The following KCNMA1 variants were observed in gnomAD, a reference collection of about 807,000 sequenced individuals.
KCNMA1 encodes the protein Calcium-activated potassium channel subunit alpha-1.
A neutral mutation model predicts 140.0 loss-of-function variants in KCNMA1; 29 were observed. That is an observed-to-expected ratio of 0.21 (90% CI 0.15 to 0.28). The LOEUF (loss-of-function observed/expected upper bound fraction) is 0.28. Among genes scored for constraint, KCNMA1 ranks in the 10% least tolerant of loss-of-function variants. The pLI, the probability that KCNMA1 is intolerant of heterozygous loss-of-function variation, is 1.00. For synonymous variants in KCNMA1, 612 were observed against 611.9 expected, an observed-to-expected ratio of 1.00 and a Z score of 0.00; for missense variants, 880 against 1,602.2, an observed-to-expected ratio of 0.55 and a Z score of 7.70.
At chr10:77,572,863 T>A (rs891983289) in intron 1 of KCNMA1, among the ~76,000 whole-genome samples, 1 of 151,788 alleles carries the variant, frequency 6.6e-6, no homozygotes, top group African/African-American at 2.4e-5. Flanking sequence ...ATTCCAATTG[T>A]TTCGGGTTTT....
chr10:77,192,405 G>A (rs1459937461), intron 3 of KCNMA1, among the ~76,000 whole-genome samples: 1 of 152,234 alleles, frequency 6.6e-6, no homozygotes, highest in South Asian at 2.1e-4. Context: ...ATCCACGATA[G>A]ACCTAGATAG....
chr10:76,881,237 C>G (rs1444444924), downstream of KCNMA1, among the ~76,000 whole-genome samples: 1 of 152,210 alleles, frequency 6.6e-6, no homozygotes, highest in Admixed American at 6.5e-5. Context: ...TTAAGCAGAT[C>G]TAGCTCACGT....
At chr10:77,001,974 C>A (rs2086627688) in intron 18 of KCNMA1, among the ~76,000 whole-genome samples, 1 of 152,064 alleles carries the variant, frequency 6.6e-6, no homozygotes. Flanking sequence ...ATACACACTG[C>A]CAATCAATGA....
At chr10:76,938,344 C>T (rs1402480797) in intron 23 of KCNMA1, among the ~76,000 whole-genome samples, 3 of 152,230 alleles carry the variant, frequency 2.0e-5, no homozygotes, top group Non-Finnish European at 4.4e-5. Context: ...TGTCCCTCCA[C>T]TCTGCCATCC....
At chr10:77,144,101 A>C (rs2098240730) in intron 5 of KCNMA1, among the ~76,000 whole-genome samples, 1 of 152,226 alleles carries the variant, frequency 6.6e-6, no homozygotes, top group South Asian at 2.1e-4. Flanking sequence ...ATATATGTCC[A>C]CAAAATCATT....
At chr10:77,136,052 G>C (rs922725418) in intron 5 of KCNMA1, among the ~76,000 whole-genome samples, 3 of 152,172 alleles carry the variant, frequency 2.0e-5, no homozygotes, top group Non-Finnish European at 4.4e-5. Context: ...ACTCTACAAT[G>C]AAATAGTCTT....
intron 1 of KCNMA1, among the ~76,000 whole-genome samples, chr10:77,621,263 C>T (rs1362840565): frequency 6.6e-6 from 1 of 152,204 alleles, no homozygotes; most frequent in Non-Finnish European, 1.5e-5. Flanking sequence ...TTCTCTGTCG[C>T]ACCAACATCC....
intron 5 of KCNMA1, among the ~76,000 whole-genome samples, chr10:77,170,458 A>T (rs948243639): frequency 1.3e-5 from 2 of 151,562 alleles, no homozygotes; most frequent in African/African-American, 2.4e-5. Context: ...CATCCCTGGG[A>T]GAAGGTCGGA....
chr10:77,282,877 A>C (rs1247264162), intron 2 of KCNMA1, among the ~76,000 whole-genome samples: 1 of 152,182 alleles, frequency 6.6e-6, no homozygotes, highest in Admixed American at 6.5e-5. Flanking sequence ...TTTCTTTGCT[A>C]ATTACTTTTG....
chr10:76,870,494 A>G (rs2031071175), exon 28 of KCNMA1: 1 of 152,262 alleles, frequency 6.6e-6, no homozygotes, highest in South Asian at 2.1e-4. Context: ...AAACCTACCT[A>G]AAAATAAAGT....
chr10:77,392,877 G>A (rs1448090391), intron 2 of KCNMA1, among the ~76,000 whole-genome samples: 2 of 152,202 alleles, frequency 1.3e-5, no homozygotes, highest in East Asian at 1.9e-4. Flanking sequence ...CCCACCTCCA[G>A]GGAGAAGTGG....
chr10:77,007,653 G>GTGTATATATA lies in KCNMA1; in HGVS notation c.2092+4313_2092+4314insTATATATACA. 1.6e-3 allele frequency among the ~76,000 whole-genome samples: 140 copies of GTGTATATATA among 88,468 alleles called. 2 individuals are homozygous for GTGTATATATA. The South Asian group carries it at 0.028, about 18-fold the overall frequency. 58.0% of individuals were successfully genotyped at this position (88,468 alleles called of 152,430 possible). On this transcript the variant is annotated intron_variant, in intron 18 of 27. Transcript: ENST00000286628. ...ACATCATGGTACATATTGTGTGTGT[G>GTGTATATATA]TATATATATATATATATATATATGT...
chr10:77,108,554 C>T lies in KCNMA1; in HGVS notation c.1150G>A (p.Val384Ile), dbSNP rs770230666. The change falls in exon 9 of 28, where the codon GTC (valine) becomes ATC (isoleucine). Residue 384 changes from valine to isoleucine, a missense_variant. Val to Ile is a conservative substitution (Grantham distance 29, BLOSUM62 3). Transcript: ENST00000286628. This position sits in a 1 kb window ranked among gnomAD's most constrained non-coding sequence, Gnocchi z 4.6. The part of the protein sequence containing the change: ...LGGLAMFASY[V>I]PEIIELIGNR... ...CCTATTAACTCTATGATTTCAGGGA[C>T]GTAGCTGGCAAACATGGCCTGAGAA... 3 of 1,613,324 alleles carry T rather than the reference C, an allele frequency of 1.9e-6. No homozygotes were observed. Among genetic ancestry groups the T allele is most frequent in the Non-Finnish European group, 2.5e-6 (3 of 1,179,762 alleles).
chr10:77,174,782 C>G (rs766683846), intron 5 of KCNMA1, among the ~76,000 whole-genome samples: 14 of 152,324 alleles, frequency 9.2e-5, no homozygotes, highest in South Asian at 4.1e-4. Context: ...TGCATTCTAA[C>G]AAGATCTCCT....
intron 3 of KCNMA1, chr10:77,217,468 T>C (rs1454338725): frequency 4.4e-6 from 2 of 456,540 alleles, no homozygotes; most frequent in Non-Finnish European, 4.4e-6. Flanking sequence ...ATTAAAGGAA[T>C]AGGAATTACA....
chr10:77,527,016 T>C (rs915436588), intron 1 of KCNMA1, among the ~76,000 whole-genome samples: 3 of 152,202 alleles, frequency 2.0e-5, no homozygotes, highest in Non-Finnish European at 4.4e-5. Context: ...TGTACAAATA[T>C]AGTAAACAGC....
intron 3 of KCNMA1, among the ~76,000 whole-genome samples, chr10:77,205,800 T>A (rs758894056): frequency 2.0e-5 from 3 of 152,218 alleles, no homozygotes; most frequent in Non-Finnish European, 4.4e-5. Context: ...TAAAACCATT[T>A]TTTAAAAAAT....
chr10:76,884,885 G>A lies in KCNMA1; in HGVS notation c.*2381C>T. 1 of 1,399,704 alleles carries A rather than the reference G, an allele frequency of 7.1e-7. No individual in the cohort carries two copies. The highest frequency in any genetic ancestry group is 2.8e-5 in the East Asian group (1 of 35,804). The allele number at this position is 1,399,704 out of a possible 1,614,324, so 86.7% of individuals were successfully genotyped here. ...ACAAACCAATAACAGAATAAAATTT[G>A]TAACTCCTTTTTTTTTAATTTCACA... On this transcript the variant is annotated 3_prime_UTR_variant, in exon 28 of 28. Transcript: ENST00000286628.
At chr10:77,162,455 T>A (rs1417089454) in intron 5 of KCNMA1, among the ~76,000 whole-genome samples, 2 of 152,182 alleles carry the variant, frequency 1.3e-5, no homozygotes, top group African/African-American at 4.8e-5. Flanking sequence ...AAGGTTCTAA[T>A]CTCACCTTAT....
Sources: gnomAD v4.1 joint callset for allele counts (sites outside exome capture counted in the v4.1 genomes callset) on GRCh38, gnomAD v4.1.1 for gene constraint, Gnocchi (gnomAD v3.1) non-coding constraint, MANE v1.5 for transcripts, NCBI Gene and HGNC (gene_info 2026-07-23, HGNC 2026-07-21) for gene names.